Variants in ERC2 observed in about 807,000 individuals in gnomAD.
ERC2 encodes the protein ELKS/RAB6-interacting/CAST family member 2, also known as ERC protein 2.
Under a neutral mutation model 114.8 loss-of-function variants are expected in ERC2, and 42 were observed. The observed-to-expected ratio is 0.37, with a 90% CI of 0.29 to 0.47. The LOEUF (loss-of-function observed/expected upper bound fraction) is 0.47. Ranked by LOEUF, ERC2 falls within the 20% of genes least tolerant of loss-of-function variation. The pLI is 0.99. For missense variants in ERC2, 939 were observed against 1,150.7 expected (o/e 0.82, Z 2.66); for synonymous variants, 454 against 425.5 (o/e 1.07, Z -0.82).
chr3:55,564,802 G>A (rs546858193), intron 17 of ERC2, among the ~76,000 whole-genome samples: 7 of 152,290 alleles, frequency 4.6e-5, no homozygotes, highest in African/African-American at 9.6e-5. Flanking sequence ...TGGAGCTTGC[G>A]AGCAACCATT....
At chr3:55,948,970 CT>C (rs1263289464) in intron 13 of ERC2, among the ~76,000 whole-genome samples, 2 of 152,182 alleles carry the variant, frequency 1.3e-5, no homozygotes, top group Non-Finnish European at 2.9e-5. Context: ...TGCCTTGACT[CT>C]TTAACTCTCA....
intron 7 of ERC2, among the ~76,000 whole-genome samples, chr3:56,019,241 C>G (rs1327231492): frequency 6.6e-6 from 1 of 152,138 alleles, no homozygotes; most frequent in Non-Finnish European, 1.5e-5. Context: ...TACAGAGGAG[C>G]AGAGTATCTC....
chr3:56,203,466 T>C (rs533860250), intron 3 of ERC2, among the ~76,000 whole-genome samples: 1 of 152,338 alleles, frequency 6.6e-6, no homozygotes, highest in African/African-American at 2.4e-5. Context: ...AGTTATCGTA[T>C]ACTCTCCAAT....
chr3:55,732,284 C>T (rs962184117), intron 15 of ERC2, among the ~76,000 whole-genome samples: 2 of 152,144 alleles, frequency 1.3e-5, no homozygotes, highest in Admixed American at 6.5e-5. Flanking sequence ...GAGTCATTAT[C>T]ATTGGCAATA....
chr3:55,676,750 A>G (rs1475321901), intron 17 of ERC2, among the ~76,000 whole-genome samples: 1 of 152,162 alleles, frequency 6.6e-6, no homozygotes, highest in Non-Finnish European at 1.5e-5. Context: ...GACCAACAGC[A>G]TACTCTAAAG....
At chr3:55,586,497 G>C (rs2057610056) in intron 17 of ERC2, among the ~76,000 whole-genome samples, 1 of 152,174 alleles carries the variant, frequency 6.6e-6, no homozygotes, top group African/African-American at 2.4e-5. Context: ...CATCGAGTTG[G>C]TGACCTATTT....
chr3:56,272,053 G>A (rs1576202742), intron 3 of ERC2, among the ~76,000 whole-genome samples: 1 of 152,034 alleles, frequency 6.6e-6, no homozygotes. Flanking sequence ...ATTATTTGCA[G>A]ATTTCATGAC....
At chr3:55,900,174 G>A (rs74558930) in intron 13 of ERC2, among the ~76,000 whole-genome samples, 20 of 152,274 alleles carry the variant, frequency 1.3e-4, no homozygotes, top group Admixed American at 5.2e-4. Context: ...AATTCCTGCC[G>A]CCTCCACCCT....
At chr3:55,948,921 G>C (rs1022625748) in intron 13 of ERC2, among the ~76,000 whole-genome samples, 6 of 152,070 alleles carry the variant, frequency 3.9e-5, no homozygotes, top group Non-Finnish European at 8.8e-5. Flanking sequence ...CTTATTTTGG[G>C]CATGGTCTGT....
chr3:56,424,159 G>A (rs2061484065), intron 2 of ERC2, among the ~76,000 whole-genome samples: 1 of 152,166 alleles, frequency 6.6e-6, no homozygotes, highest in Non-Finnish European at 1.5e-5. Context: ...AATATTTTGG[G>A]GGTGAATGTT....
chr3:55,846,031 C>T (rs1482793747), intron 14 of ERC2, among the ~76,000 whole-genome samples: 1 of 152,216 alleles, frequency 6.6e-6, no homozygotes, highest in Non-Finnish European at 1.5e-5. Flanking sequence ...GGTACATGTG[C>T]AGTTTCGTTA....
intron 3 of ERC2, among the ~76,000 whole-genome samples, chr3:56,291,411 T>C (rs1272917620): frequency 4.6e-5 from 7 of 152,226 alleles, no homozygotes; most frequent in Admixed American, 4.6e-4. Context: ...TGTTGTTTCC[T>C]GCCAGACAAA....
At chr3:55,969,813 C>T (rs888208609) in intron 12 of ERC2, among the ~76,000 whole-genome samples, 11 of 152,022 alleles carry the variant, frequency 7.2e-5, no homozygotes, top group Admixed American at 7.2e-4. Context: ...GCTTGGCTAA[C>T]AACTAAAGAA....
At chr3:55,800,535 G>A (rs891550676) in intron 14 of ERC2, among the ~76,000 whole-genome samples, 6 of 152,094 alleles carry the variant, frequency 3.9e-5, no homozygotes, top group East Asian at 3.8e-4. Context: ...ATGATAGCTC[G>A]TGTTTTAGAT....
chr3:55,612,503 T>C (rs969539156), intron 17 of ERC2, among the ~76,000 whole-genome samples: 4 of 152,192 alleles, frequency 2.6e-5, no homozygotes, highest in Non-Finnish European at 5.9e-5. Flanking sequence ...TATCCAGAGA[T>C]GTCATTCCTT....
chr3:55,987,041 T>G (rs2070694337), intron 11 of ERC2, among the ~76,000 whole-genome samples: 1 of 152,118 alleles, frequency 6.6e-6, no homozygotes, highest in Admixed American at 6.5e-5. Context: ...ATCCTCAGGA[T>G]AAAGCTTAAG....
chr3:56,259,150 T>G (rs1330254541), intron 3 of ERC2, among the ~76,000 whole-genome samples: 2 of 152,024 alleles, frequency 1.3e-5, no homozygotes, highest in African/African-American at 4.8e-5. Flanking sequence ...TTTTGTATTT[T>G]TAGCAGAGAC....
intron 1 of ERC2, among the ~76,000 whole-genome samples, chr3:56,435,998 C>A (rs929550810): frequency 1.3e-5 from 2 of 152,180 alleles, no homozygotes; most frequent in Non-Finnish European, 2.9e-5. Flanking sequence ...AAGTTCCCAT[C>A]ACGGTTACTG....
chr3:55,910,286 G>A (rs911385243), intron 13 of ERC2, among the ~76,000 whole-genome samples: 6 of 151,908 alleles, frequency 3.9e-5, no homozygotes, highest in East Asian at 3.9e-4. Context: ...CAGCTACTCC[G>A]GAGGCTGAGG....
Sources: gnomAD v4.1 joint callset for allele counts (sites outside exome capture counted in the v4.1 genomes callset) on GRCh38, gnomAD v4.1.1 for gene constraint, MANE v1.5 for transcripts, NCBI Gene and HGNC (gene_info 2026-07-23, HGNC 2026-07-21) for gene names.